The following OTOG variants were observed in gnomAD, a reference collection of about 807,000 sequenced individuals.
OTOG encodes otogelin.
In OTOG, 296 loss-of-function variants were observed where a neutral mutation model predicts 313.8. The observed-to-expected ratio is 0.94, with a 90% CI of 0.86 to 1.04. The LOEUF is 1.04. Ranked by LOEUF, OTOG falls within the 50% of genes least tolerant of loss-of-function variation. OTOG has a pLI of 0.00. For synonymous variants in OTOG, 1,533 were observed against 1,554.9 expected (o/e 0.99, Z 0.33); for missense variants, 3,948 against 3,840.1 (o/e 1.03, Z -0.74).
In OTOG at chr11:17,638,476, A is replaced by G. The variant is rs1847899821; in HGVS notation, c.7821A>G (p.Gln2607=). ...QCVCENFRCP[Q]VQCGLGTALV... is the part of the protein sequence containing the mutation. ...TGTGTGAGAACTTCCGCTGTCCCCA[A>G]GTGCAGTGTGGCCTGGGCACTGCCC... is the stretch of plus-strand genomic sequence containing the variant. Residue 2607 remains glutamine (Q), a synonymous_variant, in exon 48 of 56, where the codon CAA becomes CAG. Transcript: ENST00000399397. 1.9e-6 allele frequency: 3 copies of G among 1,550,004 alleles called. No individual in the cohort carries two copies. Among genetic ancestry groups the G allele is most frequent in the Non-Finnish European group, 2.6e-6 (3 of 1,146,948 alleles).
At chr11:17,627,040 A>G (rs1854000618) in intron 39 of OTOG, among the ~76,000 whole-genome samples, 1 of 152,178 alleles carries the variant, frequency 6.6e-6, no homozygotes, top group Non-Finnish European at 1.5e-5. Context: ...TTTTTTTCCA[A>G]ATATAAGATT....
chr11:17,629,031 G>T (rs892032905), intron 39 of OTOG, 102 bp from the exon 40 acceptor site: 2 of 1,180,952 alleles, frequency 1.7e-6, no homozygotes, highest in Non-Finnish European at 2.4e-6. Flanking sequence ...TCAGATGATG[G>T]GTGGATGGAT....
In OTOG at chr11:17,593,176, A is replaced by G. The variant is rs1400210705; in HGVS notation, c.3007-17A>G. 5.8e-6 allele frequency: 9 copies of G among 1,547,386 alleles called. No individual in the cohort carries two copies. In the African/African-American group the frequency reaches 1.2e-4, roughly 21 times the overall value. ...CTTTCTCCCTTGTTTTATTGGACTC[A>G]CTTATTCTCTCCTCAGAGCACATCA... On this transcript the variant is annotated splice_polypyrimidine_tract_variant and intron_variant, in intron 25 of 55. Transcript: ENST00000399397.
intron 48 of OTOG, 37 bp from the exon 49 acceptor site, chr11:17,639,386 C>T: frequency 6.5e-7 from 1 of 1,549,994 alleles, no homozygotes; most frequent in African/African-American, 1.4e-5. Context: ...CCTGGACATC[C>T]CTGATGAAGT....
chr11:17,639,319 C>T, intron 48 of OTOG, 104 bp from the exon 49 acceptor site: 1 of 1,263,332 alleles, frequency 7.9e-7, no homozygotes. Context: ...GGAGCTGGGT[C>T]TTCAGAAGAC....
intron 23 of OTOG, among the ~76,000 whole-genome samples, chr11:17,585,660 G>C (rs1852776627): frequency 6.6e-6 from 1 of 152,012 alleles, no homozygotes; most frequent in Non-Finnish European, 1.5e-5. Context: ...CCCATTTTCT[G>C]TCTGCTCCCC....
chr11:17,591,465 C>A lies in OTOG; in HGVS notation c.2883C>A (p.Gly961=). Residue 961 remains glycine (G), a synonymous_variant, in exon 25 of 56, where the codon GGC becomes GGA. Coordinates refer to ENST00000399397, the MANE Select transcript of OTOG (RefSeq NM_001292063.2). ...SPCHTCVCQR[G]SFQCTLHPCA... ...TGTTTTTCAGTGTGTGCCAGCGGGG[C>A]TCATTCCAGTGCACCCTGCACCCTT... The A allele has an allele frequency of 6.4e-7, 1 of 1,550,738 alleles. No homozygotes were observed. The highest frequency in any genetic ancestry group is 8.7e-7 in the Non-Finnish European group (1 of 1,147,036).
In OTOG at chr11:17,559,045, T is replaced by C. The variant is rs1246379528; in HGVS notation, c.1104-7T>C. On this transcript the variant is annotated splice_region_variant and splice_polypyrimidine_tract_variant and intron_variant, in intron 10 of 55. Transcript: ENST00000399397. ...GTTCCAGTGTGACCCTTGGTTTCTC[T>C]GCACAGATCAATGGGTGATGTAGCC... 2 of 1,547,432 alleles carry C rather than the reference T, an allele frequency of 1.3e-6. No individual in the cohort carries two copies. Among genetic ancestry groups the C allele is most frequent in the Non-Finnish European group, 1.7e-6 (2 of 1,145,812 alleles).
At chr11:17,595,988 A>T (rs1280031501) in intron 28 of OTOG, 50 bp from the exon 29 acceptor site, 1 of 1,293,578 alleles carries the variant, frequency 7.7e-7, no homozygotes, top group South Asian at 1.3e-5. Context: ...ATGTCAGGCA[A>T]CAGGCATTTG....
intron 6 of OTOG, 79 bp downstream of exon 6, chr11:17,553,598 C>A: frequency 7.9e-7 from 1 of 1,258,824 alleles, no homozygotes; most frequent in Non-Finnish European, 1.0e-6. Context: ...CTCTACTTGT[C>A]ATAGTTAGAG....
chr11:17,590,918 C>G (rs1852916163), intron 24 of OTOG, among the ~76,000 whole-genome samples: 1 of 152,226 alleles, frequency 6.6e-6, no homozygotes. Context: ...TTGTAACCCA[C>G]TCCACCCACA....
rs1294807211 is a variant in OTOG, at chr11:17,550,631, G to A, written c.217-1369G>A. Among the ~76,000 whole-genome samples the A allele has an allele frequency of 2.6e-5, 4 of 152,196 alleles. No individual in the cohort carries two copies. In the East Asian group the frequency reaches 7.7e-4, roughly 29 times the overall value. On this transcript the variant is annotated intron_variant, in intron 3 of 55. Transcript: ENST00000399397. ...CATCTGAAGTGGGAGTGAAGAGTGA[G>A]GACACGAAGACTGAGTTTAATTACA...
At chr11:17,641,124 T>G (rs1847962461) in intron 51 of OTOG, 33 bp downstream of exon 51, 7 of 1,382,430 alleles carry the variant, frequency 5.1e-6, no homozygotes, top group African/African-American at 1.4e-5. Flanking sequence ...GTGGGTGGGG[T>G]TGGGAGGGCT....
At chr11:17,622,552 G>A (rs540271050) in intron 39 of OTOG, among the ~76,000 whole-genome samples, 43 of 152,036 alleles carry the variant, frequency 2.8e-4, no homozygotes, top group African/African-American at 9.9e-4. Context: ...CCCTGTGTCC[G>A]TGAGTTCAAT....
intron 24 of OTOG, among the ~76,000 whole-genome samples, chr11:17,591,003 C>T (rs1852917930): frequency 6.6e-6 from 1 of 152,148 alleles, no homozygotes; most frequent in Non-Finnish European, 1.5e-5. Flanking sequence ...ACTTGCACTG[C>T]CTTATTATTT....
Position 17,609,908 on chromosome 11 carries a change from C to T in OTOG, c.4608C>T (p.Leu1536=). 3 of 1,522,924 alleles carry T rather than the reference C, an allele frequency of 2.0e-6. No individual in the cohort carries two copies. The highest frequency in any genetic ancestry group is 2.7e-6 in the Non-Finnish European group (3 of 1,131,838). The allele number at this position is 1,522,924 out of a possible 1,614,324, so 94.3% of individuals were successfully genotyped here. A position where few individuals can be genotyped will look rare whatever the true frequency, so the allele number is the denominator to read the frequency against. ...CCACCCTGCAGCAGCCACTGGAGCT[C>T]ACTGCATCTCAACTCCCCGCCGGCC... ...TQTTLQQPLE[L]TASQLPAGPT... Residue 1536 remains leucine (L), a synonymous_variant, in exon 36 of 56, where the codon CTC becomes CTT. Transcript: ENST00000399397.
In OTOG at chr11:17,632,246, G is replaced by T; in HGVS notation, c.7072+20G>T. 1.9e-6 allele frequency: 3 copies of T among 1,544,240 alleles called. No individual in the cohort carries two copies. The highest frequency in any genetic ancestry group is 2.6e-6 in the Non-Finnish European group (3 of 1,142,212). ...ACTGCCGTGAGTTTGCGGGGCAGGG[G>T]GACCCTCCATTGTGACTATTGTTCC... On this transcript the variant is annotated intron_variant, in intron 42 of 55. Transcript: ENST00000399397.
intron 32 of OTOG, among the ~76,000 whole-genome samples, chr11:17,603,959 G>C (rs1349988859): frequency 6.6e-6 from 1 of 152,144 alleles, no homozygotes; most frequent in Non-Finnish European, 1.5e-5. Context: ...TGCCGGCACT[G>C]TTCTAAGCGC....
intron 3 of OTOG, 49 bp downstream of exon 3, chr11:17,548,261 A>T (rs1374209189): frequency 6.8e-7 from 1 of 1,468,704 alleles, no homozygotes; most frequent in South Asian, 1.3e-5. Context: ...GCTCATGTCT[A>T]TCTGGATCTG....
Sources: allele counts gnomAD v4.1 joint callset (sites outside exome capture counted in the v4.1 genomes callset), GRCh38; gene constraint gnomAD v4.1.1; transcripts MANE v1.5; gene names NCBI Gene and HGNC (gene_info 2026-07-23, HGNC 2026-07-21).